PEX5: variants seen among roughly 807,000 people sequenced by gnomAD.
The protein encoded by PEX5 is PTS1 receptor.
PEX5 carries 52 observed loss-of-function variants against 82.9 expected under a neutral mutation model. The ratio of observed to expected loss-of-function variants is 0.63; its 90% CI spans 0.50 to 0.79. The LOEUF (loss-of-function observed/expected upper bound fraction) is 0.79, where lower values mean the gene tolerates loss of function less well. Ranked by LOEUF, PEX5 falls within the 30% of genes least tolerant of loss-of-function variation. The pLI is 0.00. For missense variants in PEX5, 719 were observed against 815.2 expected, an observed-to-expected ratio of 0.88 and a Z score of 1.44; for synonymous variants, 300 against 318.8, an observed-to-expected ratio of 0.94 and a Z score of 0.63.
At chr12:7,206,351 T>C (rs1944778250) in intron 10 of PEX5, among the ~76,000 whole-genome samples, 1 of 152,256 alleles carries the variant, frequency 6.6e-6, no homozygotes, top group Non-Finnish European at 1.5e-5. Flanking sequence ...CCGTGCTCAT[T>C]TGTTTACTTA....
intron 14 of PEX5, 138 bp downstream of exon 14, chr12:7,209,308 C>G (rs1447759290): frequency 4.6e-6 from 4 of 871,530 alleles, no homozygotes; most frequent in Non-Finnish European, 3.7e-6. Flanking sequence ...TCACTTGAGC[C>G]TGGGAGTTCA....
chr12:7,216,133 A>G (rs1180460253), downstream of PEX5, among the ~76,000 whole-genome samples: 1 of 151,990 alleles, frequency 6.6e-6, no homozygotes, highest in African/African-American at 2.4e-5. Context: ...ATGCCAGGCT[A>G]ATTTTTGTAT....
At position 7,189,953 on chromosome 12, in the gene PEX5, A is replaced by C. The variant is rs989789595; in HGVS notation, c.-17+203A>C. ...GAGGGAATGCTCCTCTGCCGTGCTC[A>C]CCGCGTGCTGGGGCTGCGCGGGGCT... is the stretch of plus-strand genomic sequence containing the variant. On this transcript the variant is annotated intron_variant, in intron 1 of 15. Transcript: ENST00000675855. 7.4e-6 allele frequency: 11 copies of C among 1,490,400 alleles called. No homozygotes were observed. The East Asian group carries it at 2.5e-4, about 34-fold the overall frequency. 92.3% of individuals were successfully genotyped at this position (1,490,400 alleles called of 1,614,324 possible).
chr12:7,209,936 T>C, intron 15 of PEX5, 86 bp from the exon 16 acceptor site: 1 of 1,594,782 alleles, frequency 6.3e-7, no homozygotes, highest in Admixed American at 1.7e-5. Flanking sequence ...TAACCAGCCC[T>C]AGCTTTCTCC....
At chr12:7,205,789 T>TA (rs1225749969) in intron 10 of PEX5, among the ~76,000 whole-genome samples, 21 of 152,338 alleles carry the variant, frequency 1.4e-4, no homozygotes, top group Admixed American at 1.2e-3. Context: ...AGAGGAAACT[T>TA]AGAGAATCCT....
intron 10 of PEX5, among the ~76,000 whole-genome samples, chr12:7,207,216 G>T (rs1212964592): frequency 6.6e-6 from 1 of 152,172 alleles, no homozygotes; most frequent in African/African-American, 2.4e-5. Flanking sequence ...TATTTGAATA[G>T]CAGGACTCCA....
intron 5 of PEX5, among the ~76,000 whole-genome samples, chr12:7,192,168 A>G (rs1237274308): frequency 6.6e-6 from 1 of 152,208 alleles, no homozygotes; most frequent in Non-Finnish European, 1.5e-5. Context: ...TAATAACAAT[A>G]GTTACGTTCT....
At chr12:7,216,204 G>C (rs1368868543), downstream of PEX5, among the ~76,000 whole-genome samples, 1 of 152,208 alleles carries the variant, frequency 6.6e-6, no homozygotes, top group Non-Finnish European at 1.5e-5. Context: ...CTGACGTCAG[G>C]TGATCCACCC....
intron 6 of PEX5, among the ~76,000 whole-genome samples, chr12:7,201,148 C>T (rs769534361): frequency 3.3e-3 from 164 of 49,588 alleles, no homozygotes; most frequent in Non-Finnish European, 5.6e-3. Context: ...CACACACACA[C>T]GCACACACAT....
At position 7,197,100 on chromosome 12, in the gene PEX5, T is replaced by TATATATGTCACATATAATGTAATA. The variant is rs1565686081; in HGVS notation, c.449-1901_449-1900insCATATAATGTAATAATATATGTCA. Reference sequence around the variant, plus strand: ...TTATATATGTCACATATAATGTAATTATATATGTCATATAATGTAATAATA... The same window carrying TATATATGTCACATATAATGTAATA: ...TTATATATGTCACATATAATGTAATTATATATGTCACATATAATGTAATAATATATGTCATATAATGTAATAATA... On this transcript the variant is annotated intron_variant, in intron 5 of 15. Coordinates refer to ENST00000675855, the MANE Select transcript of PEX5 (RefSeq NM_001351132.2). 1.7e-4 allele frequency among the ~76,000 whole-genome samples: 9 copies of TATATATGTCACATATAATGTAATA among 51,510 alleles called. 4 individuals are homozygous for TATATATGTCACATATAATGTAATA. Among genetic ancestry groups the TATATATGTCACATATAATGTAATA allele is most frequent in the East Asian group, 9.6e-4 (3 of 3,124 alleles). 33.8% of individuals were successfully genotyped at this position (51,510 alleles called of 152,430 possible). A position where few individuals can be genotyped will look rare whatever the true frequency, so the allele number is the denominator to read the frequency against.
chr12:7,202,317 C>G lies in PEX5; in HGVS notation c.719C>G (p.Ala240Gly). 6.2e-7 allele frequency: 1 copy of G among 1,614,092 alleles called. No individual in the cohort carries two copies. The highest frequency in any genetic ancestry group is 8.5e-7 in the Non-Finnish European group (1 of 1,180,024). Reference protein sequence around the residue: ...ESGAGSGRAQAEQWAAEFIQQ... With the variant: ...ESGAGSGRAQGEQWAAEFIQQ... ...GGTGCAGGGTCGGGCCGAGCTCAGG[C>G]AGAACAGTGGGCAGCAGAGTTTATA... The change falls in exon 8 of 16, where the codon GCA (alanine) becomes GGA (glycine). Residue 240 changes from alanine (A) to glycine (G), a missense_variant. By Grantham distance (60) the Ala-to-Gly change is moderately conservative. Coordinates refer to ENST00000675855, the MANE Select transcript of PEX5 (RefSeq NM_001351132.2).
At position 7,191,634 on chromosome 12, in the gene PEX5, G is replaced by C; in HGVS notation, c.382G>C (p.Ala128Pro). 1 of 1,613,490 alleles carries C rather than the reference G, an allele frequency of 6.2e-7. No individual in the cohort carries two copies. Among genetic ancestry groups the C allele is most frequent in the Non-Finnish European group, 8.5e-7 (1 of 1,179,422 alleles). ...CCAGGAGTTTCTTGCAGCTGGAGATGCTGTGGATGTAACTCAGGATTATAA... is the reference window on the plus strand; with the variant it reads ...CCAGGAGTTTCTTGCAGCTGGAGATCCTGTGGATGTAACTCAGGATTATAA... ...WAQEFLAAGD[A>P]VDVTQDYNET... The change falls in exon 5 of 16, where the codon GCT becomes CCT. Residue 128 changes from alanine to proline, a missense_variant. By Grantham distance (27) the Ala-to-Pro change is conservative. Transcript: ENST00000675855.
chr12:7,190,465 C>T lies in PEX5; in HGVS notation c.88C>T (p.Leu30Phe), dbSNP rs1940821861. The T allele has an allele frequency of 5.6e-6, 9 of 1,614,192 alleles. No individual in the cohort carries two copies. Among genetic ancestry groups the T allele is most frequent in the Non-Finnish European group, 6.8e-6 (8 of 1,180,044 alleles). ...CGGGCACTTCACCCAGGACAAGGCC[C>T]TTCGGCAGGAGGGATTGAGGCCTGG... ...LAGHFTQDKA[L>F]RQEGLRPGPW... Residue 30 changes from leucine to phenylalanine, a missense_variant, in exon 2 of 16, where the codon CTT (leucine) becomes TTT (phenylalanine). Leu to Phe is a conservative substitution (Grantham distance 22). Coordinates refer to ENST00000675855, the MANE Select transcript of PEX5 (RefSeq NM_001351132.2).
chr12:7,206,316 TAAATA>T (rs928421269), intron 10 of PEX5, among the ~76,000 whole-genome samples: 6 of 152,260 alleles, frequency 3.9e-5, no homozygotes, highest in Non-Finnish European at 5.9e-5. Flanking sequence ...TTAGTGTCCA[TAAATA>T]AAATGTTATT....
At position 7,208,555 on chromosome 12, in the gene PEX5, G is replaced by A. The variant is rs774915360; in HGVS notation, c.1280G>A (p.Arg427Gln). The A allele has an allele frequency of 1.1e-5, 18 of 1,613,992 alleles. No individual in the cohort carries two copies. Among genetic ancestry groups the A allele is most frequent in the African/African-American group, 8.0e-5 (6 of 74,920 alleles). ...CAGCGACAGGCCTGTGAAACCCTAC[G>A]AGACTGGCTGCGGTACACACCAGCC... Reference protein sequence around the residue: ...SLQRQACETLRDWLRYTPAYA... With the variant: ...SLQRQACETLQDWLRYTPAYA... Residue 427 changes from arginine (R) to glutamine (Q), a missense_variant, in exon 13 of 16, where the codon CGA (arginine) becomes CAA (glutamine). Coordinates refer to ENST00000675855, the MANE Select transcript of PEX5 (RefSeq NM_001351132.2).
intron 1 of PEX5, 161 bp downstream of exon 1, chr12:7,189,911 C>T: frequency 7.0e-6 from 10 of 1,434,308 alleles, no homozygotes; most frequent in Non-Finnish European, 9.1e-6. Context: ...GGGGGAAGGG[C>T]TCCGGTGACT....
intron 1 of PEX5, 49 bp downstream of exon 1, chr12:7,189,799 C>G: frequency 1.4e-6 from 1 of 714,082 alleles, no homozygotes; most frequent in Non-Finnish European, 2.0e-6. Context: ...CTGGGCCCTC[C>G]CCACCCTTGC....
intron 2 of PEX5, 162 bp from the exon 3 acceptor site, chr12:7,190,726 C>T (rs1565670866): frequency 1.5e-6 from 2 of 1,330,266 alleles, no homozygotes; most frequent in South Asian, 1.2e-5. Context: ...ATAGTAGTTA[C>T]CACTTACTGA....
intron 7 of PEX5, 156 bp from the exon 8 acceptor site, chr12:7,202,084 CT>C (rs1222015870): frequency 5.0e-6 from 6 of 1,192,764 alleles, no homozygotes; most frequent in Admixed American, 4.0e-5. Context: ...AAATCCCTTT[CT>C]TTTTGCTCTC....
Sources: allele counts gnomAD v4.1 joint callset (sites outside exome capture counted in the v4.1 genomes callset), GRCh38; gene constraint gnomAD v4.1.1; transcripts MANE v1.5; gene names NCBI Gene and HGNC (gene_info 2026-07-23, HGNC 2026-07-21).